Variants in TMEM163 observed in about 807,000 individuals in gnomAD.
TMEM163 encodes the protein transmembrane protein 163.
A neutral mutation model predicts 29.3 loss-of-function variants in TMEM163; 17 were observed. The ratio of observed to expected loss-of-function variants is 0.58; its 90% confidence interval spans 0.40 to 0.87. The LOEUF (loss-of-function observed/expected upper bound fraction) is 0.87, where lower values mean the gene tolerates loss of function less well. Among genes scored for constraint, TMEM163 ranks in the 40% least tolerant of loss-of-function variants. The probability of loss-of-function intolerance (pLI) is 0.00; values close to 1 mark genes in which losing one functional copy is unlikely to be tolerated. For missense variants in TMEM163, 303 were observed against 381.5 expected, an observed-to-expected ratio of 0.79 and a Z score of 1.71; for synonymous variants, 157 against 160.6, an observed-to-expected ratio of 0.98 and a Z score of 0.17.
chr2:134,493,652 G>A (rs753336739), intron 5 of TMEM163, among the ~76,000 whole-genome samples: 9 of 152,118 alleles, frequency 5.9e-5, no homozygotes, highest in South Asian at 2.1e-4. Context: ...GATTACAGGC[G>A]TGAGCCACTG....
At chr2:134,605,338 G>A (rs1161326104) in intron 2 of TMEM163, among the ~76,000 whole-genome samples, 1 of 152,118 alleles carries the variant, frequency 6.6e-6, no homozygotes, top group Non-Finnish European at 1.5e-5. Context: ...ACATGTGCAG[G>A]ATATTTGCTA....
intron 4 of TMEM163, among the ~76,000 whole-genome samples, chr2:134,508,658 C>T (rs1021456053): frequency 6.6e-6 from 1 of 152,134 alleles, no homozygotes; most frequent in African/African-American, 2.4e-5. Flanking sequence ...TCCCTCAATC[C>T]GTCACTATCA....
intron 4 of TMEM163, among the ~76,000 whole-genome samples, chr2:134,533,688 C>T (rs1221960802): frequency 6.6e-6 from 1 of 152,034 alleles, no homozygotes; most frequent in African/African-American, 2.4e-5. Context: ...ATCACATCAC[C>T]CCAAGGCTTA....
chr2:134,709,323 C>T (rs1442976607), intron 2 of TMEM163, among the ~76,000 whole-genome samples: 1 of 152,150 alleles, frequency 6.6e-6, no homozygotes, highest in East Asian at 1.9e-4. Flanking sequence ...AGCATTTGAA[C>T]AGATCCAAAA....
At chr2:134,676,087 G>A (rs952336688) in intron 2 of TMEM163, among the ~76,000 whole-genome samples, 3 of 152,174 alleles carry the variant, frequency 2.0e-5, no homozygotes, top group Non-Finnish European at 1.5e-5. Flanking sequence ...AATGGGGCCA[G>A]TGGCATGATG....
rs74549354 is a variant in TMEM163 at position 134,492,535 on chromosome 2, A to G, written c.555+10366T>C. On this transcript the variant is annotated intron_variant, in intron 5 of 7. Transcript: ENST00000281924. ...CCTCCCTCCACCTCTAGCCTCAGGCAACCACTGTCTGCTTTCTCTCACTAT... is the reference window on the plus strand; with the variant it reads ...CCTCCCTCCACCTCTAGCCTCAGGCGACCACTGTCTGCTTTCTCTCACTAT... Among the ~76,000 whole-genome samples, 686 of 152,328 alleles carry G rather than the reference A, an allele frequency of 4.5e-3. 4 individuals are homozygous for G. The highest frequency in any genetic ancestry group is 0.014 in the South Asian group (68 of 4,816).
chr2:134,484,551 G>A (rs1679270820), intron 5 of TMEM163, among the ~76,000 whole-genome samples: 1 of 152,192 alleles, frequency 6.6e-6, no homozygotes, highest in Admixed American at 6.5e-5. Flanking sequence ...GCATGTGCCT[G>A]TAGTCCCAGC....
chr2:134,549,997 G>A (rs553841643), intron 4 of TMEM163, among the ~76,000 whole-genome samples: 14 of 152,198 alleles, frequency 9.2e-5, no homozygotes, highest in African/African-American at 1.4e-4. Flanking sequence ...ATCTGATTAC[G>A]GAACCTGTGT....
At chr2:134,700,735 C>A (rs1684681113) in intron 2 of TMEM163, among the ~76,000 whole-genome samples, 1 of 151,938 alleles carries the variant, frequency 6.6e-6, no homozygotes, top group Admixed American at 6.6e-5. Context: ...CCCATCTCTA[C>A]TAAAAATACA....
chr2:134,678,730 C>A (rs1490760323), intron 2 of TMEM163, among the ~76,000 whole-genome samples: 1 of 152,178 alleles, frequency 6.6e-6, no homozygotes, highest in African/African-American at 2.4e-5. Flanking sequence ...CAAGCCCTGG[C>A]ACATTTGTAT....
At chr2:134,672,253 C>A (rs1684011494) in intron 2 of TMEM163, among the ~76,000 whole-genome samples, 2 of 152,198 alleles carry the variant, frequency 1.3e-5, no homozygotes, top group Non-Finnish European at 2.9e-5. Context: ...TCATGAATTT[C>A]TGTACCTCTG....
rs1291025065 is a variant in TMEM163, at chr2:134,718,796, T to A, written c.140A>T (p.Glu47Val). The A allele has an allele frequency of 3.5e-6, 4 of 1,146,012 alleles. No individual in the cohort carries two copies. In the South Asian group the frequency reaches 1.7e-4, roughly 48 times the overall value. 71.0% of individuals were successfully genotyped at this position (1,146,012 alleles called of 1,614,324 possible). The change falls in exon 1 of 8, where the codon GAG becomes GTG. Residue 47 changes from glutamate to valine, a missense_variant. By Grantham distance (121) the Glu-to-Val change is moderately radical (BLOSUM62 -2). Coordinates refer to ENST00000281924, the MANE Select transcript of TMEM163 (RefSeq NM_030923.5). ...GCTGATCCGCACCTGCCGCTCCTCC[T>A]CCAGCTGGGGCGGCTCGCGCACCGG... ...SSPVREPPQL[E>V]EERQVRISES...
intron 5 of TMEM163, among the ~76,000 whole-genome samples, chr2:134,472,480 T>G (rs1200332050): frequency 1.3e-5 from 2 of 152,230 alleles, no homozygotes; most frequent in African/African-American, 2.4e-5. Context: ...GAGAAAACAG[T>G]CTCTCATACA....
intron 2 of TMEM163, among the ~76,000 whole-genome samples, chr2:134,574,947 C>T (rs987261950): frequency 1.3e-5 from 2 of 151,576 alleles, no homozygotes; most frequent in African/African-American, 2.4e-5. Context: ...TTCTAATATG[C>T]ACTAAGGTCC....
At chr2:134,464,458 G>A (rs943733162) in intron 6 of TMEM163, among the ~76,000 whole-genome samples, 1 of 152,202 alleles carries the variant, frequency 6.6e-6, no homozygotes, top group African/African-American at 2.4e-5. Context: ...GCCTGGTAGT[G>A]GTCAACTGAT....
chr2:134,632,253 A>C (rs1682984318), intron 2 of TMEM163, among the ~76,000 whole-genome samples: 1 of 152,182 alleles, frequency 6.6e-6, no homozygotes. Context: ...TAGCAAGAAA[A>C]ACCAGAGGCC....
chr2:134,594,879 C>G (rs1682031287), intron 2 of TMEM163, among the ~76,000 whole-genome samples: 1 of 131,940 alleles, frequency 7.6e-6, no homozygotes, highest in South Asian at 2.4e-4. Context: ...CTCTCTCTCT[C>G]TCTACTTCTC....
intron 2 of TMEM163, among the ~76,000 whole-genome samples, chr2:134,660,996 T>C (rs1683735375): frequency 6.6e-6 from 1 of 152,224 alleles, no homozygotes; most frequent in Admixed American, 6.5e-5. Context: ...GTTTCGGTCA[T>C]GGGGGCACTG....
At chr2:134,712,905 C>CGGAT in intron 2 of TMEM163, among the ~76,000 whole-genome samples, 1 of 152,284 alleles carries the variant, frequency 6.6e-6, no homozygotes, top group African/African-American at 2.4e-5. Flanking sequence ...AAGCTGAAGG[C>CGGAT]ATCCACCAAG....
Sources: gnomAD v4.1 joint callset for allele counts (sites outside exome capture counted in the v4.1 genomes callset) on GRCh38, gnomAD v4.1.1 for gene constraint, MANE v1.5 for transcripts, NCBI Gene and HGNC (gene_info 2026-07-23, HGNC 2026-07-21) for gene names.